KLF12: variants seen among roughly 807,000 people sequenced by gnomAD.
KLF12 encodes Krueppel-like factor 12.
A neutral mutation model predicts 37.8 loss-of-function variants in KLF12; 9 were observed. The observed-to-expected ratio is 0.24, with a 90% CI of 0.14 to 0.42. The LOEUF is 0.42. Among genes scored for constraint, KLF12 ranks in the 10% least tolerant of loss-of-function variants. The probability of loss-of-function intolerance (pLI) is 1.00; values close to 1 mark genes in which losing one functional copy is unlikely to be tolerated. For missense variants in KLF12, 411 were observed against 516.0 expected, an observed-to-expected ratio of 0.80 and a Z score of 1.97; for synonymous variants, 208 against 202.1, an observed-to-expected ratio of 1.03 and a Z score of -0.25.
intron 6 of KLF12, among the ~76,000 whole-genome samples, chr13:73,717,441 T>C (rs1218906055): frequency 2.0e-5 from 3 of 152,240 alleles, no homozygotes; most frequent in South Asian, 2.1e-4. Context: ...GACGGACATA[T>C]AGACTACTTG....
the KLF12 span, among the ~76,000 whole-genome samples, chr13:74,183,414 T>C: frequency 6.6e-6 from 1 of 152,122 alleles, no homozygotes; most frequent in Admixed American, 6.6e-5. Flanking sequence ...AAAATATTTC[T>C]CCTTTCCAAA....
chr13:74,046,289 T>C (rs958839418), intron 1 of KLF12, among the ~76,000 whole-genome samples: 11 of 152,206 alleles, frequency 7.2e-5, no homozygotes, highest in Non-Finnish European at 1.5e-4. Context: ...ATCTTCTCAA[T>C]TTTCCTGCAA....
intron 1 of KLF12, among the ~76,000 whole-genome samples, chr13:73,997,375 C>T (rs1316885054): frequency 6.6e-6 from 1 of 152,100 alleles, no homozygotes; most frequent in African/African-American, 2.4e-5. Flanking sequence ...ACTCTAATTG[C>T]AGTAATGTTT....
the KLF12 span, among the ~76,000 whole-genome samples, chr13:74,145,645 C>T: frequency 2.0e-5 from 3 of 152,116 alleles, no homozygotes; most frequent in African/African-American, 7.2e-5. Context: ...ATAATTTAAC[C>T]CCAGCAGTAC....
At position 74,063,309 on chromosome 13, in the gene KLF12, G is replaced by A. The variant is rs764012666; in HGVS notation, c.-31-68256C>T. ...GGAGTCAATTCAGCACAAACTTAAT[G>A]CAAACGTTTCAAAATGCTTTAAGGA... On this transcript the variant is annotated intron_variant, in intron 1 of 7. Transcript: ENST00000377669. Among the ~76,000 whole-genome samples, 11 of 152,234 alleles carry A rather than the reference G, an allele frequency of 7.2e-5. No homozygotes were observed. The South Asian group carries it at 1.7e-3, about 23-fold the overall frequency.
intron 1 of KLF12, among the ~76,000 whole-genome samples, chr13:74,097,838 C>G (rs1876071387): frequency 6.6e-6 from 1 of 150,978 alleles, no homozygotes; most frequent in South Asian, 2.1e-4. Flanking sequence ...CCCAACTCCA[C>G]AAACTGCTCC....
Position 73,694,175 on chromosome 13 carries a change from T to C in KLF12, c.*1315A>G, listed in dbSNP as rs1483215184. The C allele has an allele frequency of 6.6e-6, 1 of 152,620 alleles. No individual in the cohort carries two copies. The highest frequency in any genetic ancestry group is 2.4e-5 in the African/African-American group (1 of 41,456). 9.5% of individuals were successfully genotyped at this position (152,620 alleles called of 1,614,324 possible). A position where few individuals can be genotyped will look rare whatever the true frequency, so the allele number is the denominator to read the frequency against. Reference sequence around the variant, plus strand: ...CATGTCGGGCTTTCTATGGGAAGCATTCTCTTTCCACTGATTCAGTTCCAA... The same window carrying C: ...CATGTCGGGCTTTCTATGGGAAGCACTCTCTTTCCACTGATTCAGTTCCAA... On this transcript the variant is annotated 3_prime_UTR_variant, in exon 8 of 8. Coordinates refer to ENST00000377669, the MANE Select transcript of KLF12 (RefSeq NM_007249.5).
chr13:74,104,660 T>G (rs1876552903), intron 1 of KLF12, among the ~76,000 whole-genome samples: 1 of 152,164 alleles, frequency 6.6e-6, no homozygotes. Flanking sequence ...TCAAGAAAAC[T>G]TTTTCCTAGT....
intron 1 of KLF12, among the ~76,000 whole-genome samples, chr13:74,111,575 G>A (rs1055423113): frequency 5.9e-5 from 9 of 152,052 alleles, no homozygotes; most frequent in African/African-American, 2.2e-4. Context: ...GACTGAAAAA[G>A]GAGAACACAA....
intron 1 of KLF12, among the ~76,000 whole-genome samples, chr13:74,128,370 G>C (rs1321086465): frequency 6.7e-6 from 1 of 149,342 alleles, no homozygotes; most frequent in Non-Finnish European, 1.5e-5. Flanking sequence ...CAGTGTGGGG[G>C]CGGTGGAGGT....
intron 3 of KLF12, among the ~76,000 whole-genome samples, chr13:73,859,914 C>G (rs1223493651): frequency 1.3e-5 from 2 of 151,948 alleles, no homozygotes; most frequent in East Asian, 3.9e-4. Flanking sequence ...AATTTCTTTT[C>G]TTCCTTTCCT....
At chr13:74,197,914 C>T in the KLF12 span, among the ~76,000 whole-genome samples, 1,736 of 152,038 alleles carry the variant, frequency 0.011, 29 homozygotes, top group African/African-American at 0.037. Flanking sequence ...ATCAGGCTTG[C>T]GTTTCAAAGC....
intron 1 of KLF12, among the ~76,000 whole-genome samples, chr13:74,132,877 G>T (rs1039146931): frequency 6.6e-6 from 1 of 152,192 alleles, no homozygotes; most frequent in Non-Finnish European, 1.5e-5. Flanking sequence ...AACAAAAGCA[G>T]GACTGATTCT....
At chr13:73,996,667 G>A (rs1359148966) in intron 1 of KLF12, among the ~76,000 whole-genome samples, 2 of 152,156 alleles carry the variant, frequency 1.3e-5, no homozygotes, top group Admixed American at 6.5e-5. Context: ...ACACCCTTCC[G>A]TGTAAATCTG....
Position 73,963,284 on chromosome 13 carries a change from T to TACACACAC in KLF12, c.34-19222_34-19215dup, listed in dbSNP as rs10543490. The stretch of plus-strand genomic sequence containing the variant: ...TCATAAAGTATAAGAGAGTCATTTA[T>TACACACAC]ACACACACACACACACACACACACA... On this transcript the variant is annotated intron_variant, in intron 2 of 7. Coordinates refer to ENST00000377669, the MANE Select transcript of KLF12 (RefSeq NM_007249.5). Among the ~76,000 whole-genome samples, 1,327 of 145,248 alleles carry TACACACAC rather than the reference T, an allele frequency of 9.1e-3. 28 individuals are homozygous for TACACACAC. The highest frequency in any genetic ancestry group is 0.032 in the African/African-American group (1,268 of 39,264).
the KLF12 span, among the ~76,000 whole-genome samples, chr13:74,159,748 G>T: frequency 6.6e-6 from 1 of 152,066 alleles, no homozygotes; most frequent in East Asian, 1.9e-4. Flanking sequence ...GCCGGGCATG[G>T]TTGCTTATTC....
the KLF12 span, among the ~76,000 whole-genome samples, chr13:74,170,001 A>G: frequency 6.6e-6 from 1 of 152,148 alleles, no homozygotes; most frequent in African/African-American, 2.4e-5. Flanking sequence ...TTTTTCTAGA[A>G]AGCAAGTGGC....
intron 1 of KLF12, among the ~76,000 whole-genome samples, chr13:74,023,588 C>T (rs1038961933): frequency 6.6e-6 from 1 of 152,132 alleles, no homozygotes; most frequent in Non-Finnish European, 1.5e-5. Flanking sequence ...GTAAATATAT[C>T]ACTCCAATCT....
intron 4 of KLF12, among the ~76,000 whole-genome samples, chr13:73,817,276 C>A (rs1417564964): frequency 1.3e-5 from 2 of 148,696 alleles, no homozygotes; most frequent in African/African-American, 5.0e-5. Context: ...TACGATCACA[C>A]CACTGCACTC....
Sources: allele counts gnomAD v4.1 joint callset (sites outside exome capture counted in the v4.1 genomes callset), GRCh38; gene constraint gnomAD v4.1.1; transcripts MANE v1.5; gene names NCBI Gene and HGNC (gene_info 2026-07-23, HGNC 2026-07-21).